The following GPM6B variants were observed in gnomAD, a reference collection of about 807,000 sequenced individuals.
GPM6B encodes the protein neuronal membrane glycoprotein M6-b.
In GPM6B, 4 loss-of-function variants were observed where a neutral mutation model predicts 27.2. The ratio of observed to expected loss-of-function variants is 0.15; its 90% CI spans 0.07 to 0.34. The LOEUF (loss-of-function observed/expected upper bound fraction) is 0.34, where lower values mean the gene tolerates loss of function less well. Among genes scored for constraint, GPM6B ranks in the 10% least tolerant of loss-of-function variants. The pLI is 1.00. For missense variants in GPM6B, 183 were observed against 261.9 expected (o/e 0.70, Z 2.08); for synonymous variants, 124 against 103.1 (o/e 1.20, Z -1.23).
chrX:13,791,524 G>A (rs1240646972), intron 2 of GPM6B, among the ~76,000 whole-genome samples: 1 of 111,205 alleles, frequency 9.0e-6, no homozygotes, highest in African/African-American at 3.3e-5. Context: ...TCATTTAGCT[G>A]GCCTCTGGAT....
chrX:13,803,745 T>C (rs1483443242), intron 2 of GPM6B, among the ~76,000 whole-genome samples: 1 of 111,845 alleles, frequency 8.9e-6, no homozygotes, highest in Non-Finnish European at 1.9e-5. Flanking sequence ...CTTTCTCCTC[T>C]GGCCCTCACT....
intron 2 of GPM6B, among the ~76,000 whole-genome samples, chrX:13,802,160 A>T (rs773080521): frequency 2.1e-5 from 2 of 95,687 alleles, no homozygotes; most frequent in Non-Finnish European, 4.1e-5. Flanking sequence ...AGTTAGATTT[A>T]TATGAAAACA....
rs28634666 is a variant in GPM6B, at chrX:13,858,050, A to G, written c.-197-72242T>C. Among the ~76,000 whole-genome samples, 661 of 112,599 alleles carry G rather than the reference A, an allele frequency of 5.9e-3. 7 individuals carry two copies. Among genetic ancestry groups the G allele is most frequent in the African/African-American group, 0.02 (611 of 31,035 alleles). ...CATTGACCATCAAAGTGCTGTGTAT[A>G]TATCAGACAAGTTGAGGCAAGGAGG... is the stretch of plus-strand genomic sequence containing the variant. On this transcript the variant is annotated intron_variant, in intron 1 of 6. Transcript: ENST00000398361.
At chrX:13,775,677 A>G (rs1463927412) in intron 7 of GPM6B, among the ~76,000 whole-genome samples, 1 of 112,084 alleles carries the variant, frequency 8.9e-6, no homozygotes, top group African/African-American at 3.2e-5. Context: ...TTTACACAGA[A>G]ACACACGAAA....
chrX:13,888,385 C>T (rs186489540), intron 1 of GPM6B, among the ~76,000 whole-genome samples: 158 of 112,065 alleles, frequency 1.4e-3, no homozygotes, highest in African/African-American at 5.0e-3. Context: ...ATTTCTGTTT[C>T]GCCCTAGTAA....
intron 1 of GPM6B, among the ~76,000 whole-genome samples, chrX:13,913,705 C>T (rs2050401220): frequency 9.0e-6 from 1 of 111,656 alleles, no homozygotes; most frequent in Admixed American, 9.5e-5. Flanking sequence ...AAAATTTATA[C>T]TCAACATGCT....
At chrX:13,909,632 A>C (rs925859106) in intron 1 of GPM6B, among the ~76,000 whole-genome samples, 6 of 111,173 alleles carry the variant, frequency 5.4e-5, no homozygotes, top group Admixed American at 4.8e-4. Flanking sequence ...TTATAGTCAC[A>C]GTTTTCATAA....
At chrX:13,837,850 T>C (rs1215182422) in intron 1 of GPM6B, among the ~76,000 whole-genome samples, 4 of 109,736 alleles carry the variant, frequency 3.6e-5, no homozygotes, top group African/African-American at 6.6e-5. Context: ...TCAAATGGCT[T>C]AAAAACTTAT....
At chrX:13,838,246 C>T (rs140635046) in intron 1 of GPM6B, among the ~76,000 whole-genome samples, 82 of 111,877 alleles carry the variant, frequency 7.3e-4, no homozygotes, top group African/African-American at 2.6e-3. Flanking sequence ...TTTGATGTTG[C>T]TAAAGATGAG....
intron 1 of GPM6B, among the ~76,000 whole-genome samples, chrX:13,843,558 C>T (rs1569253284): frequency 8.9e-6 from 1 of 112,313 alleles, no homozygotes. Context: ...TACGTTCCCA[C>T]TAGTAGCATG....
chrX:13,807,834 T>C (rs912361666), intron 1 of GPM6B, 65 bp from the exon 2 acceptor site: 2 of 1,032,414 alleles, frequency 1.9e-6, no homozygotes, highest in Non-Finnish European at 1.3e-6. Context: ...TATCAGCATT[T>C]TTATTTATTC....
chrX:13,777,972 T>A (rs756481264), intron 5 of GPM6B, among the ~76,000 whole-genome samples: 18 of 112,132 alleles, frequency 1.6e-4, no homozygotes, highest in African/African-American at 5.5e-4. Flanking sequence ...GATTTGTACT[T>A]TGTCTTTGTT....
intron 1 of GPM6B, among the ~76,000 whole-genome samples, chrX:13,865,523 C>T (rs770504907): frequency 7.3e-5 from 3 of 40,883 alleles, no homozygotes; most frequent in African/African-American, 9.8e-5. Context: ...CTGGACCACA[C>T]GGTAAAAATC....
intron 1 of GPM6B, among the ~76,000 whole-genome samples, chrX:13,908,759 TAAAG>T (rs1433996355): frequency 8.9e-6 from 1 of 112,445 alleles, no homozygotes; most frequent in African/African-American, 3.2e-5. Flanking sequence ...TATTTCAAAA[TAAAG>T]AAATTTTAAA....
chrX:13,820,546 G>C (rs113273631), upstream of GPM6B, among the ~76,000 whole-genome samples: 2,162 of 110,994 alleles, frequency 0.019, 35 homozygotes, highest in African/African-American at 0.057. Flanking sequence ...CTTCAGTGTG[G>C]AGGCAGCCCT....
intron 2 of GPM6B, among the ~76,000 whole-genome samples, chrX:13,794,694 A>G (rs1029353798): frequency 8.9e-5 from 10 of 112,146 alleles, no homozygotes. Flanking sequence ...AAATAAATTA[A>G]AAAGCCAGTT....
chrX:13,834,908 A>G (rs971105871), intron 1 of GPM6B, among the ~76,000 whole-genome samples: 1 of 112,665 alleles, frequency 8.9e-6, no homozygotes, highest in African/African-American at 3.2e-5. Flanking sequence ...ATGGATATTT[A>G]TCAAGTACCA....
intron 1 of GPM6B, 112 bp downstream of exon 1, chrX:13,816,732 C>A: frequency 2.2e-6 from 2 of 898,653 alleles, no homozygotes; most frequent in Non-Finnish European, 3.3e-6. Flanking sequence ...CAAGACCATG[C>A]CATAGGGATT....
At chrX:13,817,481 G>A (rs1290399067), upstream of GPM6B, 2 of 256,254 alleles carry the variant, frequency 7.8e-6, no homozygotes, top group Non-Finnish European at 1.1e-5. Flanking sequence ...AATATATGTC[G>A]TCTCTAAGGA....
Sources: gnomAD v4.1 joint callset for allele counts (sites outside exome capture counted in the v4.1 genomes callset) on GRCh38, gnomAD v4.1.1 for gene constraint, MANE v1.5 for transcripts, NCBI Gene and HGNC (gene_info 2026-07-23, HGNC 2026-07-21) for gene names.